The following DLGAP1 variants were observed in gnomAD, a reference collection of about 807,000 sequenced individuals.
DLGAP1 encodes the protein DLG associated protein 1.
Under a neutral mutation model 90.8 loss-of-function variants are expected in DLGAP1, and 11 were observed. The observed-to-expected ratio is 0.12, with a 90% confidence interval of 0.08 to 0.20. DLGAP1 has a LOEUF of 0.20. Ranked by LOEUF, DLGAP1 falls within the 10% of genes least tolerant of loss-of-function variation. DLGAP1 has a pLI of 1.00. For missense variants in DLGAP1, 1,050 were observed against 1,333.8 expected, an observed-to-expected ratio of 0.79 and a Z score of 3.31; for synonymous variants, 558 against 540.7, an observed-to-expected ratio of 1.03 and a Z score of -0.44.
chr18:3,545,503 G>C (rs1340131089), intron 9 of DLGAP1, among the ~76,000 whole-genome samples: 1 of 152,020 alleles, frequency 6.6e-6, no homozygotes, highest in African/African-American at 2.4e-5. Context: ...GAGGTTGTAA[G>C]ATTGAAATAA....
At chr18:3,870,562 G>A (rs567686177) in intron 4 of DLGAP1, among the ~76,000 whole-genome samples, 6 of 152,156 alleles carry the variant, frequency 3.9e-5, no homozygotes, top group Admixed American at 6.5e-5. Flanking sequence ...GTTCCAATAC[G>A]TAATTCCTAC....
At chr18:4,142,433 T>A (rs2144320166) in intron 2 of DLGAP1, among the ~76,000 whole-genome samples, 1 of 152,312 alleles carries the variant, frequency 6.6e-6, no homozygotes, top group African/African-American at 2.4e-5. Context: ...CTGTATCTCA[T>A]AAGGCTTGAG....
At chr18:4,376,697 C>A (rs553745748) in intron 1 of DLGAP1, among the ~76,000 whole-genome samples, 1 of 152,102 alleles carries the variant, frequency 6.6e-6, no homozygotes, top group African/African-American at 2.4e-5. Context: ...ATTTCAAGAA[C>A]GATTCTGAGC....
At chr18:4,429,199 G>C (rs1159683675) in intron 1 of DLGAP1, among the ~76,000 whole-genome samples, 1 of 152,140 alleles carries the variant, frequency 6.6e-6, no homozygotes, top group Non-Finnish European at 1.5e-5. Context: ...CTTCCAGGAT[G>C]AGTTAGAACA....
At chr18:4,110,249 T>C (rs1019333713) in intron 2 of DLGAP1, among the ~76,000 whole-genome samples, 3 of 152,280 alleles carry the variant, frequency 2.0e-5, no homozygotes, top group Admixed American at 2.0e-4. Context: ...AATGTAACAA[T>C]GGTAAGTATT....
intron 5 of DLGAP1, among the ~76,000 whole-genome samples, chr18:3,811,817 A>G (rs1255103029): frequency 6.6e-6 from 1 of 152,202 alleles, no homozygotes; most frequent in African/African-American, 2.4e-5. Context: ...GATCCTCCAC[A>G]TCCTGAAGCT....
At chr18:3,704,153 G>C (rs911060911) in intron 7 of DLGAP1, among the ~76,000 whole-genome samples, 3 of 152,228 alleles carry the variant, frequency 2.0e-5, no homozygotes, top group Non-Finnish European at 2.9e-5. Context: ...GCTCTGCGGG[G>C]CCCACGGGAA....
chr18:3,532,130 C>T (rs564718963), intron 10 of DLGAP1, among the ~76,000 whole-genome samples: 28 of 151,654 alleles, frequency 1.8e-4, no homozygotes, highest in African/African-American at 6.8e-4. Context: ...GCTGGGATTA[C>T]AGGTATGAGC....
chr18:4,360,630 G>A (rs2081610694), intron 1 of DLGAP1, among the ~76,000 whole-genome samples: 1 of 152,190 alleles, frequency 6.6e-6, no homozygotes, highest in East Asian at 1.9e-4. Flanking sequence ...AAAAGGATTT[G>A]CTGTAGGGAG....
At chr18:3,827,733 C>T (rs1302724060) in intron 4 of DLGAP1, among the ~76,000 whole-genome samples, 1 of 152,164 alleles carries the variant, frequency 6.6e-6, no homozygotes, top group Non-Finnish European at 1.5e-5. Context: ...TTTTGGCATG[C>T]CACACACTGT....
At chr18:4,259,846 CAAAACATCT>C (rs2078969835) in intron 1 of DLGAP1, among the ~76,000 whole-genome samples, 1 of 152,110 alleles carries the variant, frequency 6.6e-6, no homozygotes, top group Non-Finnish European at 1.5e-5. Context: ...TTTCCAAACG[CAAAACATCT>C]AATGTCCATC....
At chr18:3,941,050 A>T (rs2072757530) in intron 3 of DLGAP1, among the ~76,000 whole-genome samples, 2 of 152,212 alleles carry the variant, frequency 1.3e-5, no homozygotes, top group South Asian at 4.1e-4. Flanking sequence ...GAGAGCCACG[A>T]ATATAAAATG....
intron 1 of DLGAP1, among the ~76,000 whole-genome samples, chr18:4,394,968 T>G (rs1355452719): frequency 6.6e-6 from 1 of 152,202 alleles, no homozygotes; most frequent in Non-Finnish European, 1.5e-5. Context: ...AAGTTAGTAG[T>G]TACCCAGAAA....
chr18:4,307,845 T>A (rs507558), intron 1 of DLGAP1, among the ~76,000 whole-genome samples: 148,627 of 152,038 alleles, frequency 0.98, 72,728 homozygotes, highest in East Asian at 1. Context: ...CCTCTCGAGT[T>A]GCTGGAATTA....
At chr18:4,011,796 C>G (rs1403685946) in intron 2 of DLGAP1, among the ~76,000 whole-genome samples, 1 of 152,066 alleles carries the variant, frequency 6.6e-6, no homozygotes, top group Non-Finnish European at 1.5e-5. Context: ...TGAACTCCAG[C>G]CTGGGTGAGT....
chr18:3,585,683 C>G (rs2055836269), intron 7 of DLGAP1, among the ~76,000 whole-genome samples: 1 of 152,158 alleles, frequency 6.6e-6, no homozygotes, highest in South Asian at 2.1e-4. Context: ...GTGGTTCACA[C>G]CTGTCATCCC....
intron 1 of DLGAP1, among the ~76,000 whole-genome samples, chr18:4,277,990 A>ATT (rs33929950): frequency 6.7e-6 from 1 of 148,474 alleles, no homozygotes; most frequent in African/African-American, 2.5e-5. Context: ...AAGAGATTGC[A>ATT]TTTTTTTTTT....
At chr18:4,039,856 T>C (rs558458151) in intron 2 of DLGAP1, among the ~76,000 whole-genome samples, 1 of 152,232 alleles carries the variant, frequency 6.6e-6, no homozygotes, top group Non-Finnish European at 1.5e-5. Context: ...GAGAACTATG[T>C]GTGAAAGTTC....
chr18:3,606,262 G>A (rs992349375), intron 7 of DLGAP1, among the ~76,000 whole-genome samples: 59 of 152,152 alleles, frequency 3.9e-4, no homozygotes, highest in African/African-American at 1.3e-3. Flanking sequence ...GCTGCAACTC[G>A]CCAGGATGAA....
Sources: gnomAD v4.1 joint callset for allele counts (sites outside exome capture counted in the v4.1 genomes callset) on GRCh38, gnomAD v4.1.1 for gene constraint, MANE v1.5 for transcripts, NCBI Gene and HGNC (gene_info 2026-07-23, HGNC 2026-07-21) for gene names.